The following KCNH5 variants were observed in gnomAD, a reference collection of about 807,000 sequenced individuals.
KCNH5 encodes the protein voltage-gated delayed rectifier potassium channel KCNH5.
In KCNH5, 46 loss-of-function variants were observed where a neutral mutation model predicts 96.1. The ratio of observed to expected loss-of-function variants is 0.48; its 90% CI spans 0.38 to 0.61. KCNH5 has a LOEUF of 0.61. KCNH5 is among the 20% of genes least tolerant of loss of function. KCNH5 has a pLI of 0.00. For synonymous variants in KCNH5, 439 were observed against 449.8 expected, an observed-to-expected ratio of 0.98 and a Z score of 0.30; for missense variants, 907 against 1,225.8, an observed-to-expected ratio of 0.74 and a Z score of 3.88.
chr14:63,012,108 T>C (rs1891240038), intron 2 of KCNH5, among the ~76,000 whole-genome samples: 1 of 152,220 alleles, frequency 6.6e-6, no homozygotes, highest in South Asian at 2.1e-4. Context: ...AAGTGGTTCC[T>C]ACCTAATCTA....
At chr14:62,842,115 T>C (rs924134872) in intron 8 of KCNH5, among the ~76,000 whole-genome samples, 1 of 152,184 alleles carries the variant, frequency 6.6e-6, no homozygotes. Context: ...ATTTGACACA[T>C]GAAAAGTTTA....
At chr14:62,907,905 C>A (rs960859084) in intron 7 of KCNH5, among the ~76,000 whole-genome samples, 1 of 152,178 alleles carries the variant, frequency 6.6e-6, no homozygotes, top group African/African-American at 2.4e-5. Context: ...CTGTTAGTCA[C>A]ATGAGGGCAT....
intron 9 of KCNH5, 50 bp downstream of exon 9, chr14:62,802,279 C>T: frequency 6.3e-7 from 1 of 1,575,584 alleles, no homozygotes; most frequent in Non-Finnish European, 8.6e-7. Flanking sequence ...AGCAAAATAT[C>T]TAAAACTGTT....
chr14:62,806,765 A>G (rs959811105), intron 8 of KCNH5, among the ~76,000 whole-genome samples: 2 of 152,094 alleles, frequency 1.3e-5, no homozygotes, highest in Non-Finnish European at 2.9e-5. Context: ...AGTCCCTTCT[A>G]AGATTTAGGG....
chr14:62,732,485 A>AG (rs1885071086), intron 10 of KCNH5, among the ~76,000 whole-genome samples: 2 of 150,700 alleles, frequency 1.3e-5, no homozygotes, highest in East Asian at 1.9e-4. Context: ...ATCCTGATAA[A>AG]GGAAAAAAAA....
At chr14:62,720,059 T>C (rs1166359693) in intron 10 of KCNH5, among the ~76,000 whole-genome samples, 2 of 152,208 alleles carry the variant, frequency 1.3e-5, no homozygotes, top group Non-Finnish European at 2.9e-5. Flanking sequence ...ACATAGGGAA[T>C]GGCAGAGTGG....
At chr14:62,796,808 AC>A (rs1471485465) in intron 9 of KCNH5, among the ~76,000 whole-genome samples, 3 of 152,222 alleles carry the variant, frequency 2.0e-5, no homozygotes, top group Non-Finnish European at 4.4e-5. Flanking sequence ...TGTAAGAAGT[AC>A]ATTGGTTCCA....
chr14:63,042,556 C>A (rs1340845733), intron 1 of KCNH5, among the ~76,000 whole-genome samples: 7 of 152,084 alleles, frequency 4.6e-5, no homozygotes, highest in African/African-American at 1.4e-4. Context: ...GGGTGCTATT[C>A]TTTCTCTTCC....
intron 8 of KCNH5, among the ~76,000 whole-genome samples, chr14:62,814,188 C>CT (rs1390021085): frequency 1.3e-5 from 2 of 152,116 alleles, no homozygotes; most frequent in Non-Finnish European, 2.9e-5. Flanking sequence ...AAAGTTTTTG[C>CT]TTCAGAATCA....
intron 1 of KCNH5, among the ~76,000 whole-genome samples, chr14:63,024,480 G>T (rs527601433): frequency 6.6e-6 from 1 of 151,806 alleles, no homozygotes; most frequent in Non-Finnish European, 1.5e-5. Flanking sequence ...AACTTTAAAA[G>T]GTCAGTGAAA....
At chr14:62,831,543 T>G (rs1887349379) in intron 8 of KCNH5, among the ~76,000 whole-genome samples, 1 of 152,196 alleles carries the variant, frequency 6.6e-6, no homozygotes, top group Non-Finnish European at 1.5e-5. Context: ...TGTCTGTATC[T>G]CTTGTCTATG....
intron 7 of KCNH5, among the ~76,000 whole-genome samples, chr14:62,875,904 T>A (rs1888362765): frequency 6.6e-6 from 1 of 152,124 alleles, no homozygotes; most frequent in Non-Finnish European, 1.5e-5. Flanking sequence ...GTGCTATGGC[T>A]CATGCCTGTA....
intron 10 of KCNH5, among the ~76,000 whole-genome samples, chr14:62,765,343 C>T (rs1885837937): frequency 6.6e-6 from 1 of 152,136 alleles, no homozygotes; most frequent in Non-Finnish European, 1.5e-5. Flanking sequence ...AAACTTGACC[C>T]TCGCCTTTTA....
intron 5 of KCNH5, among the ~76,000 whole-genome samples, chr14:62,982,032 A>G (rs1166718059): frequency 6.6e-6 from 1 of 152,154 alleles, no homozygotes; most frequent in African/African-American, 2.4e-5. Context: ...TCCCTGGGCA[A>G]AGGTAACCAA....
At chr14:62,714,081 G>C (rs1356022763) in intron 10 of KCNH5, among the ~76,000 whole-genome samples, 1 of 151,696 alleles carries the variant, frequency 6.6e-6, no homozygotes, top group African/African-American at 2.4e-5. Flanking sequence ...CCAGAAGTTT[G>C]AGACCACCCT....
chr14:62,748,659 C>T (rs1387949022), intron 10 of KCNH5, among the ~76,000 whole-genome samples: 1 of 152,040 alleles, frequency 6.6e-6, no homozygotes, highest in African/African-American at 2.4e-5. Flanking sequence ...TGATGATATT[C>T]CTGCCTAACT....
At chr14:63,003,922 A>G (rs1042812836) in intron 3 of KCNH5, among the ~76,000 whole-genome samples, 1 of 151,962 alleles carries the variant, frequency 6.6e-6, no homozygotes, top group Non-Finnish European at 1.5e-5. Context: ...GCCCGGCCAG[A>G]AAGAGCTATC....
intron 1 of KCNH5, among the ~76,000 whole-genome samples, chr14:63,017,559 G>A (rs973418057): frequency 5.9e-5 from 9 of 151,536 alleles, no homozygotes; most frequent in African/African-American, 2.2e-4. Flanking sequence ...AAATAAAAGA[G>A]ATATTTTTGT....
At chr14:62,986,319 T>A (rs1594660556) in intron 5 of KCNH5, among the ~76,000 whole-genome samples, 2 of 152,280 alleles carry the variant, frequency 1.3e-5, no homozygotes, top group East Asian at 3.9e-4. Context: ...CACCTCCCTT[T>A]GAGAGGTTTT....
Sources: gnomAD v4.1 joint callset for allele counts (sites outside exome capture counted in the v4.1 genomes callset) on GRCh38, gnomAD v4.1.1 for gene constraint, MANE v1.5 for transcripts, NCBI Gene and HGNC (gene_info 2026-07-23, HGNC 2026-07-21) for gene names.